TENM3: variants seen among roughly 807,000 people sequenced by gnomAD.
The protein encoded by TENM3 is teneurin-3.
TENM3 carries 63 observed loss-of-function variants against 255.1 expected under a neutral mutation model. That is an observed-to-expected ratio of 0.25 (90% CI 0.20 to 0.30). The LOEUF (loss-of-function observed/expected upper bound fraction) is 0.30. Among genes scored for constraint, TENM3 ranks in the 10% least tolerant of loss-of-function variants. TENM3 has a pLI of 1.00. For missense variants in TENM3, 2,929 were observed against 3,461.1 expected (o/e 0.85, Z 3.86); for synonymous variants, 1,306 against 1,322.3 (o/e 0.99, Z 0.27).
At chr4:182,560,053 C>T (rs1307411287) in intron 3 of TENM3, among the ~76,000 whole-genome samples, 1 of 150,044 alleles carries the variant, frequency 6.7e-6, no homozygotes, top group Non-Finnish European at 1.5e-5. Context: ...CTATTATGTA[C>T]CTATAAAAAT....
intron 2 of TENM3, among the ~76,000 whole-genome samples, chr4:182,338,229 A>G (rs1394357391): frequency 6.6e-6 from 1 of 152,200 alleles, no homozygotes; most frequent in East Asian, 1.9e-4. Flanking sequence ...TGGTGCCAAG[A>G]GCAGAGTTGC....
the TENM3 span, among the ~76,000 whole-genome samples, chr4:181,448,757 G>A: frequency 6.6e-6 from 1 of 152,128 alleles, no homozygotes; most frequent in Admixed American, 6.5e-5. Context: ...ATTGTTGGTC[G>A]TGGTGATTAT....
chr4:182,667,956 TAAA>T (rs1754857927), intron 6 of TENM3, among the ~76,000 whole-genome samples: 1 of 142,454 alleles, frequency 7.0e-6, no homozygotes, highest in Non-Finnish European at 1.6e-5. Flanking sequence ...AATAAATACA[TAAA>T]TACATTAATT....
chr4:181,957,490 A>C, the TENM3 span, among the ~76,000 whole-genome samples: 4 of 152,212 alleles, frequency 2.6e-5, no homozygotes, highest in Admixed American at 2.6e-4. Context: ...ACCAAAACCC[A>C]ATTTTTAAGA....
Position 182,792,646 on chromosome 4 carries a change from A to AGAT in TENM3, c.5975_5977dup (p.Arg1992_Tyr1993insTer). On this transcript the variant is annotated stop_gained and inframe_insertion, in exon 26 of 28. Coordinates refer to ENST00000511685, the MANE Select transcript of TENM3 (RefSeq NM_001080477.4). LOFTEE classifies it high-confidence loss of function. This position sits in a 1 kb window ranked among gnomAD's most constrained non-coding sequence, Gnocchi z 6.3. ...GAGTGATGGTTTTATTTGCACCATT[A>AGAT]GATACAGGCAAATTGGTCCCCTGAT... The AGAT allele has an allele frequency of 6.2e-7, 1 of 1,614,000 alleles. No homozygotes were observed. The highest frequency in any genetic ancestry group is 1.7e-5 in the Admixed American group (1 of 60,012).
At chr4:181,590,655 T>C in the TENM3 span, among the ~76,000 whole-genome samples, 3 of 152,152 alleles carry the variant, frequency 2.0e-5, no homozygotes, top group Non-Finnish European at 4.4e-5. Flanking sequence ...CAGAAAACAA[T>C]AGAGGAATTG....
chr4:182,630,765 T>TATTATG (rs1458172519), intron 5 of TENM3, among the ~76,000 whole-genome samples: 14 of 151,846 alleles, frequency 9.2e-5, no homozygotes, highest in African/African-American at 3.4e-4. Flanking sequence ...TTTATTTTAT[T>TATTATG]ATTATTATTT....
chr4:182,290,760 C>A (rs1308443309), intron 1 of TENM3, among the ~76,000 whole-genome samples: 1 of 151,676 alleles, frequency 6.6e-6, no homozygotes, highest in Non-Finnish European at 1.5e-5. Flanking sequence ...GCCTCGGCCT[C>A]CCAAAGTGCT....
the TENM3 span, chr4:181,522,625 T>C: frequency 1.9e-6 from 1 of 532,648 alleles, no homozygotes; most frequent in Non-Finnish European, 3.5e-6. Context: ...CTTCTTGAGG[T>C]CTCCAACTAT....
the TENM3 span, among the ~76,000 whole-genome samples, chr4:181,846,171 A>G: frequency 3.9e-5 from 6 of 152,206 alleles, no homozygotes; most frequent in African/African-American, 1.4e-4. Flanking sequence ...TTAAAACATT[A>G]GAACTGCTTA....
Position 182,800,381 on chromosome 4 carries a change from C to T in TENM3, c.*30C>T, listed in dbSNP as rs1346899140. 2.6e-6 allele frequency: 4 copies of T among 1,532,674 alleles called. No homozygotes were observed. The highest frequency in any genetic ancestry group is 3.5e-6 in the Non-Finnish European group (4 of 1,146,786). 94.9% of individuals were successfully genotyped at this position (1,532,674 alleles called of 1,614,324 possible). ...CGGGCCGCGCCCGCCGAGCCGCTCA[C>T]GCCCTGCCCACATTGTCCTGTGGCA... On this transcript the variant is annotated 3_prime_UTR_variant, in exon 28 of 28. Transcript: ENST00000511685.
At chr4:181,714,416 C>A in the TENM3 span, among the ~76,000 whole-genome samples, 2 of 152,150 alleles carry the variant, frequency 1.3e-5, no homozygotes, top group African/African-American at 4.8e-5. Flanking sequence ...GCACTCCAAC[C>A]TGGGTATCAG....
Position 182,474,552 on chromosome 4 carries a change from A to T in TENM3, c.512-126372A>T, listed in dbSNP as rs77534618. ...CCCCGTTTCCAGACATTCTCAGGCAATGAGAACTGTCCCAGATTGAAAATT... is the reference window on the plus strand; with the variant it reads ...CCCCGTTTCCAGACATTCTCAGGCATTGAGAACTGTCCCAGATTGAAAATT... On this transcript the variant is annotated intron_variant, in intron 3 of 27. Transcript: ENST00000511685. Among the ~76,000 whole-genome samples the T allele has an allele frequency of 3.2e-4, 49 of 152,296 alleles. No homozygotes were observed. In the East Asian group the frequency reaches 8.9e-3, roughly 28 times the overall value.
the TENM3 span, among the ~76,000 whole-genome samples, chr4:181,810,408 C>T: frequency 6.6e-6 from 1 of 151,896 alleles, no homozygotes; most frequent in Non-Finnish European, 1.5e-5. Flanking sequence ...AATCTGAGTC[C>T]CCTTTCCTCT....
the TENM3 span, among the ~76,000 whole-genome samples, chr4:181,482,557 A>G: frequency 6.6e-6 from 1 of 152,082 alleles, no homozygotes; most frequent in African/African-American, 2.4e-5. Context: ...CCTAACTGTA[A>G]GGTATTGATC....
chr4:181,597,464 A>T, the TENM3 span, among the ~76,000 whole-genome samples: 4 of 151,528 alleles, frequency 2.6e-5, no homozygotes, highest in Admixed American at 6.6e-5. Flanking sequence ...ACATCTGTAT[A>T]TTATCTTTTA....
the TENM3 span, among the ~76,000 whole-genome samples, chr4:181,668,682 CAACCT>C: frequency 1.3e-5 from 2 of 152,128 alleles, no homozygotes; most frequent in Non-Finnish European, 1.5e-5. Context: ...CTACCTGCAA[CAACCT>C]TACTTGCAAA....
At chr4:182,730,110 T>C in intron 14 of TENM3, 90 bp from the exon 15 acceptor site, 1 of 1,524,240 alleles carries the variant, frequency 6.6e-7, no homozygotes, top group Non-Finnish European at 9.0e-7. Context: ...CATAGTGTTA[T>C]TTTATCCTTA....
the TENM3 span, among the ~76,000 whole-genome samples, chr4:181,449,992 A>AT: frequency 6.6e-6 from 1 of 152,174 alleles, no homozygotes; most frequent in African/African-American, 2.4e-5. Flanking sequence ...TGCTTATGTC[A>AT]TTCCGCATAT....
Sources: allele counts gnomAD v4.1 joint callset (sites outside exome capture counted in the v4.1 genomes callset), GRCh38; gene constraint gnomAD v4.1.1; non-coding constraint Gnocchi (gnomAD v3.1); transcripts MANE v1.5; gene names NCBI Gene and HGNC (gene_info 2026-07-23, HGNC 2026-07-21).